Variants in TMEM154 observed in about 807,000 individuals in gnomAD.
The protein encoded by TMEM154 is transmembrane protein 154.
A neutral mutation model predicts 24.5 loss-of-function variants in TMEM154; 27 were observed. That is an observed-to-expected ratio of 1.10 (90% confidence interval 0.81 to 1.52). TMEM154 has a LOEUF of 1.52. Among genes scored for constraint, TMEM154 ranks in the 40% most tolerant of loss-of-function variants. TMEM154 has a pLI of 0.00. For synonymous variants in TMEM154, 67 were observed against 76.8 expected (o/e 0.87, Z 0.67); for missense variants, 228 against 213.4 (o/e 1.07, Z -0.43).
At chr4:152,651,030 T>C (rs1281493279) in intron 3 of TMEM154, among the ~76,000 whole-genome samples, 1 of 152,238 alleles carries the variant, frequency 6.6e-6, no homozygotes, top group African/African-American at 2.4e-5. Flanking sequence ...TTTAGCATAA[T>C]TCTTAAGAGC....
intron 1 of TMEM154, among the ~76,000 whole-genome samples, chr4:152,671,397 T>G (rs1461445936): frequency 6.6e-6 from 1 of 152,044 alleles, no homozygotes; most frequent in African/African-American, 2.4e-5. Flanking sequence ...CTCTGGAGGT[T>G]ATGTGAAAAT....
chr4:152,656,977 A>T (rs2149786002), intron 1 of TMEM154, among the ~76,000 whole-genome samples: 1 of 151,630 alleles, frequency 6.6e-6, no homozygotes, highest in Middle Eastern at 3.4e-3. Flanking sequence ...AGAGATAGAG[A>T]TAATAAAAAA....
At chr4:152,635,969 T>C (rs1752141268) in intron 6 of TMEM154, among the ~76,000 whole-genome samples, 1 of 152,214 alleles carries the variant, frequency 6.6e-6, no homozygotes, top group African/African-American at 2.4e-5. Flanking sequence ...ATATTTGCGA[T>C]TCCTTGTCTG....
rs10545647 is a variant in TMEM154, at chr4:152,645,934, T to TACACAC, written c.365-1498_365-1493dup. ...GAAACTTAGATGGGGGAAAGGAGAA[T>TACACAC]ACACACACACACACACACACACACA... On this transcript the variant is annotated intron_variant, in intron 3 of 6. Transcript: ENST00000304385. 5.8e-3 allele frequency among the ~76,000 whole-genome samples: 817 copies of TACACAC among 140,556 alleles called. 3 individuals carry two copies. Among genetic ancestry groups the TACACAC allele is most frequent in the South Asian group, 0.022 (94 of 4,190 alleles). 92.2% of individuals were successfully genotyped at this position (140,556 alleles called of 152,430 possible). A position where few individuals can be genotyped will look rare whatever the true frequency, so the allele number is the denominator to read the frequency against.
intron 3 of TMEM154, among the ~76,000 whole-genome samples, chr4:152,648,300 T>G (rs921833552): frequency 2.0e-5 from 3 of 151,840 alleles, no homozygotes; most frequent in African/African-American, 7.3e-5. Context: ...CTGAGCAACA[T>G]AGCAAGACTC....
At chr4:152,649,670 C>A (rs901583306) in intron 3 of TMEM154, among the ~76,000 whole-genome samples, 2 of 152,180 alleles carry the variant, frequency 1.3e-5, no homozygotes, top group African/African-American at 2.4e-5. Context: ...CCATCCCTAA[C>A]CCTAATCTGA....
chr4:152,668,501 G>C (rs1246281688), intron 1 of TMEM154: 2 of 152,052 alleles, frequency 1.3e-5, no homozygotes, highest in African/African-American at 4.8e-5. Context: ...TCTGAGGCAG[G>C]GTGGGAAGAC....
intron 1 of TMEM154, among the ~76,000 whole-genome samples, chr4:152,671,450 T>G (rs187108522): frequency 1.3e-3 from 196 of 151,852 alleles, no homozygotes; most frequent in African/African-American, 4.5e-3. Context: ...GGTTAAGAAG[T>G]TAAGAAAATA....
At chr4:152,654,045 AAAAAG>A (rs1728443235) in intron 1 of TMEM154, among the ~76,000 whole-genome samples, 2 of 151,874 alleles carry the variant, frequency 1.3e-5, no homozygotes, top group Admixed American at 6.6e-5. Flanking sequence ...ATCTCAAAAA[AAAAAG>A]AAAAAGAAAA....
intron 5 of TMEM154, among the ~76,000 whole-genome samples, chr4:152,642,040 A>G (rs963156811): frequency 1.4e-5 from 2 of 145,918 alleles, no homozygotes; most frequent in African/African-American, 5.1e-5. Context: ...CTCCTGCCTC[A>G]GCCTCCCTAG....
intron 3 of TMEM154, among the ~76,000 whole-genome samples, chr4:152,651,158 T>C (rs993014207): frequency 1.3e-5 from 2 of 151,954 alleles, no homozygotes; most frequent in Non-Finnish European, 2.9e-5. Context: ...ATTTCTCCTC[T>C]CTAGCTATTA....
At chr4:152,645,775 G>C (rs1752355989) in intron 3 of TMEM154, among the ~76,000 whole-genome samples, 1 of 152,262 alleles carries the variant, frequency 6.6e-6, no homozygotes. Flanking sequence ...AGCTTGAATG[G>C]CATTGCTAAT....
chr4:152,649,865 C>T (rs1579520765), intron 3 of TMEM154, among the ~76,000 whole-genome samples: 2 of 152,284 alleles, frequency 1.3e-5, no homozygotes, highest in East Asian at 3.9e-4. Flanking sequence ...TGCAATAAAG[C>T]AAGTCACATT....
intron 1 of TMEM154, among the ~76,000 whole-genome samples, chr4:152,660,330 C>A (rs576814451): frequency 6.6e-6 from 1 of 152,072 alleles, no homozygotes; most frequent in Non-Finnish European, 1.5e-5. Context: ...TGGTAATAAT[C>A]CTTTTACCTA....
intron 3 of TMEM154, among the ~76,000 whole-genome samples, chr4:152,645,178 C>T (rs371757078): frequency 7.9e-5 from 12 of 151,992 alleles, no homozygotes; most frequent in African/African-American, 2.7e-4. Flanking sequence ...GGGCAGGGAT[C>T]GTGTCTGTCT....
intron 3 of TMEM154, among the ~76,000 whole-genome samples, chr4:152,650,434 A>T (rs928447440): frequency 6.6e-6 from 1 of 151,608 alleles, no homozygotes; most frequent in Non-Finnish European, 1.5e-5. Context: ...TTAACGTTTT[A>T]TCATGAGATT....
chr4:152,658,622 G>GCTAAAAATACAAAATTTTTAGCTTTA (rs143753374), intron 1 of TMEM154, among the ~76,000 whole-genome samples: 11,204 of 150,590 alleles, frequency 0.074, 488 homozygotes, highest in African/African-American at 0.11. Flanking sequence ...AGCCTGGCCA[G>GCTAAAAATACAAAATTTTTAGCTTTA]CTAAAAATAC....
intron 1 of TMEM154, among the ~76,000 whole-genome samples, chr4:152,665,048 G>A (rs1477267406): frequency 1.3e-5 from 2 of 152,270 alleles, no homozygotes; most frequent in East Asian, 3.9e-4. Context: ...TCAATAACCT[G>A]ATGCCCACAC....
intron 5 of TMEM154, among the ~76,000 whole-genome samples, chr4:152,642,298 A>AT (rs1037481095): frequency 5.2e-4 from 79 of 152,184 alleles, no homozygotes; most frequent in East Asian, 2.3e-3. Context: ...ACCCTAGGGT[A>AT]TTTTTTTAAG....
Sources: allele counts gnomAD v4.1 joint callset (sites outside exome capture counted in the v4.1 genomes callset), GRCh38; gene constraint gnomAD v4.1.1; transcripts MANE v1.5; gene names NCBI Gene and HGNC (gene_info 2026-07-23, HGNC 2026-07-21).